SEM1: variants seen among roughly 807,000 people sequenced by gnomAD.
The protein encoded by SEM1 is 26S proteasome complex subunit SEM1.
In SEM1, 3 loss-of-function variants were observed where a neutral mutation model predicts 12.7. That is an observed-to-expected ratio of 0.24 (90% CI 0.11 to 0.61). SEM1 has a LOEUF of 0.61. Among genes scored for constraint, SEM1 ranks in the 20% least tolerant of loss-of-function variants. SEM1 has a pLI of 0.88. For missense variants in SEM1, 59 were observed against 81.3 expected (o/e 0.73, Z 1.06); for synonymous variants, 30 against 27.8 (o/e 1.08, Z -0.25).
chr7:96,652,552 G>T (rs560484035), intron 2 of SEM1, among the ~76,000 whole-genome samples: 1 of 151,728 alleles, frequency 6.6e-6, no homozygotes, highest in South Asian at 2.1e-4. Context: ...CCATTATTTG[G>T]ATTATTTTAA....
intron 2 of SEM1, among the ~76,000 whole-genome samples, chr7:96,551,705 CAA>C (rs56316029): frequency 1.2e-3 from 102 of 84,038 alleles, no homozygotes; most frequent in East Asian, 2.3e-3. Flanking sequence ...GACTCTGTCT[CAA>C]AAAAAAAAAA....
downstream of SEM1, among the ~76,000 whole-genome samples, chr7:96,684,268 C>T (rs1474348937): frequency 1.3e-5 from 2 of 152,084 alleles, no homozygotes; most frequent in Non-Finnish European, 2.9e-5. Context: ...CTGCCAGATG[C>T]TTCTAGCCCC....
intron 2 of SEM1, among the ~76,000 whole-genome samples, chr7:96,693,268 C>CA (rs1405649860): frequency 1.3e-5 from 2 of 151,908 alleles, no homozygotes; most frequent in African/African-American, 4.8e-5. Context: ...AAGTATATGA[C>CA]AGTCTATTTA....
intron 1 of SEM1, among the ~76,000 whole-genome samples, chr7:96,703,749 C>T (rs895276041): frequency 1.3e-5 from 2 of 152,008 alleles, no homozygotes; most frequent in Non-Finnish European, 2.9e-5. Flanking sequence ...AGTTCAGTAC[C>T]AGCCTGGGCA....
At chr7:96,558,618 G>A (rs1805602864) in intron 2 of SEM1, among the ~76,000 whole-genome samples, 1 of 152,190 alleles carries the variant, frequency 6.6e-6, no homozygotes, top group Admixed American at 6.5e-5. Context: ...GAAGCAAGGA[G>A]AGAGGGAGTT....
intron 2 of SEM1, among the ~76,000 whole-genome samples, chr7:96,615,821 C>G (rs1377774652): frequency 6.6e-6 from 1 of 152,144 alleles, no homozygotes; most frequent in Non-Finnish European, 1.5e-5. Context: ...TTGTTTAGCT[C>G]CCACTTGTAA....
chr7:96,488,989 A>C (rs1802887005), intron 1 of SEM1, among the ~76,000 whole-genome samples: 1 of 152,092 alleles, frequency 6.6e-6, no homozygotes, highest in Admixed American at 6.6e-5. Flanking sequence ...ATACAATCTT[A>C]ATGTAGAGTC....
intron 2 of SEM1, among the ~76,000 whole-genome samples, chr7:96,508,834 C>T (rs1322212886): frequency 6.6e-6 from 1 of 151,970 alleles, no homozygotes; most frequent in Non-Finnish European, 1.5e-5. Flanking sequence ...TTCAGGAAGC[C>T]ACATGGAAAA....
At chr7:96,626,150 T>C (rs1217648971) in intron 2 of SEM1, among the ~76,000 whole-genome samples, 1 of 152,136 alleles carries the variant, frequency 6.6e-6, no homozygotes, top group Non-Finnish European at 1.5e-5. Flanking sequence ...ACATTAACCA[T>C]CCCACCTCCC....
chr7:96,610,111 T>C (rs1040576123), intron 2 of SEM1, among the ~76,000 whole-genome samples: 5 of 152,080 alleles, frequency 3.3e-5, no homozygotes. Flanking sequence ...CAGGTTTTTT[T>C]TTTTTTTGAG....
chr7:96,603,637 T>C (rs1807257290), intron 2 of SEM1, among the ~76,000 whole-genome samples: 1 of 152,204 alleles, frequency 6.6e-6, no homozygotes, highest in Non-Finnish European at 1.5e-5. Context: ...TTTATTTTGT[T>C]TGCTATTCCC....
chr7:96,597,175 C>T lies in SEM1; in HGVS notation c.171-90477G>A, dbSNP rs1300099188. ...TAGTCAGGGCCGGATTATTCAATGC[C>T]TTAACCATCTCTGCTTACGAAAAGA... On this transcript the variant is annotated intron_variant and NMD_transcript_variant, in intron 2 of 3. Coordinates refer to the SEM1 transcript ENST00000466986. 2.0e-5 allele frequency among the ~76,000 whole-genome samples: 3 copies of T among 152,156 alleles called. No homozygotes were observed. In the East Asian group the frequency reaches 5.8e-4, roughly 29 times the overall value.
At chr7:96,554,365 A>G (rs55860484) in intron 2 of SEM1, among the ~76,000 whole-genome samples, 10,829 of 122,304 alleles carry the variant, frequency 0.089, 710 homozygotes, top group South Asian at 0.16. Context: ...TTTGAAATAC[A>G]TCCCATCAAT....
intron 2 of SEM1, among the ~76,000 whole-genome samples, chr7:96,577,757 A>G (rs12534051): frequency 0.54 from 82,497 of 151,616 alleles, 24,499 homozygotes; most frequent in Non-Finnish European, 0.68. Context: ...GAGCTTCAAA[A>G]AAATTCCACA....
intron 2 of SEM1, among the ~76,000 whole-genome samples, chr7:96,624,232 T>C (rs79476379): frequency 0.013 from 1,995 of 152,236 alleles, 45 homozygotes; most frequent in African/African-American, 0.046. Context: ...TCAATAAAAA[T>C]AAATATGGAT....
At chr7:96,659,921 A>AC (rs1788936647) in intron 2 of SEM1, among the ~76,000 whole-genome samples, 2 of 148,330 alleles carry the variant, frequency 1.3e-5, no homozygotes, top group Admixed American at 1.3e-4. Context: ...GGCAAAAAAA[A>AC]AAAAAAAAAC....
chr7:96,528,133 G>T (rs972544773), intron 2 of SEM1, among the ~76,000 whole-genome samples: 2 of 152,056 alleles, frequency 1.3e-5, no homozygotes, highest in South Asian at 4.1e-4. Flanking sequence ...CAGTCAGATT[G>T]GCTTCATGTT....
chr7:96,522,354 C>T (rs1804303281), intron 2 of SEM1, among the ~76,000 whole-genome samples: 1 of 152,238 alleles, frequency 6.6e-6, no homozygotes, highest in Non-Finnish European at 1.5e-5. Context: ...TGAATGTTAG[C>T]TTCTCCTATT....
intron 2 of SEM1, chr7:96,486,154 T>G (rs1410044033): frequency 7.0e-7 from 1 of 1,426,232 alleles, no homozygotes; most frequent in Non-Finnish European, 9.4e-7. Flanking sequence ...GAGAGTTAAT[T>G]TTTTTTCTAC....
Sources: allele counts gnomAD v4.1 joint callset (sites outside exome capture counted in the v4.1 genomes callset), GRCh38; gene constraint gnomAD v4.1.1; transcripts MANE v1.5; gene names NCBI Gene and HGNC (gene_info 2026-07-23, HGNC 2026-07-21).